The following NAV3 variants were observed in gnomAD, a reference collection of about 807,000 sequenced individuals.
The protein encoded by NAV3 is neuron navigator 3.
In NAV3, 87 loss-of-function variants were observed where a neutral mutation model predicts 244.7. That is an observed-to-expected ratio of 0.36 (90% CI 0.30 to 0.42). The LOEUF (loss-of-function observed/expected upper bound fraction) is 0.42. Among genes scored for constraint, NAV3 ranks in the 20% least tolerant of loss-of-function variants. The pLI is 1.00. For synonymous variants in NAV3, 1,126 were observed against 1,042.2 expected (o/e 1.08, Z -1.55); for missense variants, 2,663 against 2,893.3 (o/e 0.92, Z 1.83).
intron 9 of NAV3, among the ~76,000 whole-genome samples, chr12:78,022,126 A>C (rs1877254808): frequency 6.6e-6 from 1 of 152,094 alleles, no homozygotes; most frequent in Non-Finnish European, 1.5e-5. Flanking sequence ...AATCAGAGAA[A>C]ACCTGGATAA....
At chr12:77,804,983 T>A (rs1871899088) in intron 2 of NAV3, among the ~76,000 whole-genome samples, 1 of 152,210 alleles carries the variant, frequency 6.6e-6, no homozygotes, top group Non-Finnish European at 1.5e-5. Context: ...CTATTATTGG[T>A]GTATAGAAAC....
At chr12:77,621,784 C>T (rs1352854911) in intron 2 of NAV3, among the ~76,000 whole-genome samples, 1 of 152,014 alleles carries the variant, frequency 6.6e-6, no homozygotes, top group Non-Finnish European at 1.5e-5. Flanking sequence ...GGCCTGAACT[C>T]TACCTCTTAA....
At chr12:78,179,939 T>C (rs898248273) in intron 29 of NAV3, among the ~76,000 whole-genome samples, 2 of 152,120 alleles carry the variant, frequency 1.3e-5, no homozygotes, top group African/African-American at 4.8e-5. Flanking sequence ...TGGATTCAGG[T>C]TGAGAGCTAA....
At chr12:77,709,974 T>C (rs1465626252) in intron 2 of NAV3, among the ~76,000 whole-genome samples, 3 of 152,194 alleles carry the variant, frequency 2.0e-5, no homozygotes, top group African/African-American at 7.2e-5. Flanking sequence ...TATGGAATCA[T>C]AAACTCTTCT....
At chr12:77,969,701 C>T (rs895297843) in intron 5 of NAV3, among the ~76,000 whole-genome samples, 1 of 152,052 alleles carries the variant, frequency 6.6e-6, no homozygotes, top group African/African-American at 2.4e-5. Flanking sequence ...AAAAAGCAGC[C>T]AGGTGTGGTG....
intron 3 of NAV3, among the ~76,000 whole-genome samples, chr12:77,956,599 T>C (rs1486251149): frequency 1.3e-5 from 2 of 152,186 alleles, no homozygotes; most frequent in Non-Finnish European, 1.5e-5. Context: ...TAAGCATAAC[T>C]GCAGAAGGTA....
intron 2 of NAV3, among the ~76,000 whole-genome samples, chr12:77,750,908 A>G (rs1428337559): frequency 1.3e-5 from 2 of 152,226 alleles, no homozygotes; most frequent in Non-Finnish European, 2.9e-5. Flanking sequence ...TTTTAAAACT[A>G]TAATTTGCTT....
chr12:78,165,392 A>G (rs1478795957), intron 23 of NAV3, among the ~76,000 whole-genome samples: 3 of 151,984 alleles, frequency 2.0e-5, no homozygotes. Context: ...CTTTAAATCC[A>G]TATCTTGATG....
chr12:78,073,679 A>G (rs942578911), intron 12 of NAV3, among the ~76,000 whole-genome samples: 9 of 152,016 alleles, frequency 5.9e-5, no homozygotes, highest in African/African-American at 2.2e-4. Flanking sequence ...ACAGAATTGG[A>G]AAAAAAACTA....
intron 1 of NAV3, among the ~76,000 whole-genome samples, chr12:77,935,952 C>T (rs1327994456): frequency 6.6e-6 from 1 of 152,152 alleles, no homozygotes; most frequent in Non-Finnish European, 1.5e-5. Flanking sequence ...CAGTCACCTC[C>T]CACCAGGCCC....
intron 28 of NAV3, 78 bp downstream of exon 28, chr12:78,177,763 A>G: frequency 7.6e-7 from 1 of 1,310,242 alleles, no homozygotes; most frequent in Middle Eastern, 1.8e-4. Flanking sequence ...GCTTTTTCTA[A>G]AATCACTCAC....
At chr12:77,984,557 A>G (rs909879523) in intron 5 of NAV3, among the ~76,000 whole-genome samples, 2 of 151,422 alleles carry the variant, frequency 1.3e-5, no homozygotes, top group Admixed American at 6.6e-5. Context: ...TGGTCCTCAT[A>G]AAAGCCTTTA....
chr12:77,757,203 T>G (rs535568769), intron 2 of NAV3, among the ~76,000 whole-genome samples: 1 of 152,308 alleles, frequency 6.6e-6, no homozygotes, highest in African/African-American at 2.4e-5. Context: ...TGCACATCGG[T>G]TCTTACACCT....
At chr12:77,981,995 A>G (rs559982088) in intron 5 of NAV3, among the ~76,000 whole-genome samples, 35 of 152,288 alleles carry the variant, frequency 2.3e-4, no homozygotes, top group African/African-American at 7.7e-4. Flanking sequence ...TGATTCTAAA[A>G]TGATTTTCTA....
chr12:77,780,242 G>A (rs951410250), intron 2 of NAV3, among the ~76,000 whole-genome samples: 3 of 152,088 alleles, frequency 2.0e-5, no homozygotes, highest in African/African-American at 4.8e-5. Context: ...CAGTAATCCC[G>A]AGGACAAGTG....
rs146526896 is a variant in NAV3 at position 77,755,993 on chromosome 12, C to T, written c.72+183727C>T. Among the ~76,000 whole-genome samples, 611 of 152,264 alleles carry T rather than the reference C, an allele frequency of 4.0e-3. 10 individuals are homozygous for T. The highest frequency in any genetic ancestry group is 5.7e-3 in the Non-Finnish European group (385 of 68,012). On this transcript the variant is annotated intron_variant, in intron 2 of 8. Coordinates refer to the NAV3 transcript ENST00000550042. ...AAAAAGTTCTAAAATACTAACTTAG[C>T]ATGGTCTTTGAAATAGATCAACTTT...
chr12:77,941,665 G>A (rs895988620), intron 3 of NAV3, among the ~76,000 whole-genome samples: 1 of 152,048 alleles, frequency 6.6e-6, no homozygotes, highest in Non-Finnish European at 1.5e-5. Context: ...CTGGATATCT[G>A]CCTCTTTCCC....
chr12:77,997,988 A>C (rs1872640306), intron 6 of NAV3, among the ~76,000 whole-genome samples: 1 of 152,238 alleles, frequency 6.6e-6, no homozygotes, highest in Non-Finnish European at 1.5e-5. Flanking sequence ...TGAGAACATA[A>C]AGTTAAGTGT....
chr12:78,062,535 G>C (rs1030265433), intron 12 of NAV3, among the ~76,000 whole-genome samples: 3 of 152,044 alleles, frequency 2.0e-5, no homozygotes, highest in African/African-American at 7.2e-5. Flanking sequence ...AGTAACATCT[G>C]CTTAATTGTA....
Sources: allele counts gnomAD v4.1 joint callset (sites outside exome capture counted in the v4.1 genomes callset), GRCh38; gene constraint gnomAD v4.1.1; transcripts MANE v1.5; gene names NCBI Gene and HGNC (gene_info 2026-07-23, HGNC 2026-07-21).